The following CHL1 variants were observed in gnomAD, a reference collection of about 807,000 sequenced individuals.
The protein encoded by CHL1 is neural cell adhesion molecule L1-like protein.
A neutral mutation model predicts 141.9 loss-of-function variants in CHL1; 96 were observed. That is an observed-to-expected ratio of 0.68 (90% CI 0.57 to 0.80). CHL1 has a LOEUF of 0.80. CHL1 is among the 30% of genes least tolerant of loss of function. CHL1 has a pLI of 0.00. For synonymous variants in CHL1, 613 were observed against 502.2 expected, an observed-to-expected ratio of 1.22 and a Z score of -2.95; for missense variants, 1,820 against 1,457.2, an observed-to-expected ratio of 1.25 and a Z score of -4.05.
intron 2 of CHL1, among the ~76,000 whole-genome samples, chr3:266,337 A>C (rs1418383407): frequency 6.6e-6 from 1 of 152,158 alleles, no homozygotes; most frequent in Non-Finnish European, 1.5e-5. Flanking sequence ...CATTTCTTTA[A>C]CAAGGAAAGC....
intron 1 of CHL1, among the ~76,000 whole-genome samples, chr3:224,322 C>T (rs1559295095): frequency 6.6e-6 from 1 of 152,174 alleles, no homozygotes. Flanking sequence ...AAGATGGAGT[C>T]AGCTATGTCA....
chr3:226,374 TTA>T (rs56305108), intron 1 of CHL1, among the ~76,000 whole-genome samples: 5 of 144,304 alleles, frequency 3.5e-5, no homozygotes, highest in African/African-American at 1.3e-4. Context: ...ATAGAATATT[TTA>T]TATATATATA....
At chr3:298,796 G>T (rs567741609) in intron 2 of CHL1, among the ~76,000 whole-genome samples, 1 of 152,138 alleles carries the variant, frequency 6.6e-6, no homozygotes, top group Non-Finnish European at 1.5e-5. Context: ...TGGTGATATG[G>T]ATACAGAGAT....
At chr3:384,924 T>A (rs1290650162) in intron 19 of CHL1, among the ~76,000 whole-genome samples, 1 of 152,222 alleles carries the variant, frequency 6.6e-6, no homozygotes, top group Non-Finnish European at 1.5e-5. Context: ...AAATATTTAG[T>A]CAATATTTTT....
rs1305736477 is a variant in CHL1 at position 382,599 on chromosome 3, G to A, written c.2104G>A (p.Val702Ile). Residue 702 changes from valine to isoleucine, a missense_variant, in exon 18 of 28, where the codon GTC becomes ATC. Val to Ile is a conservative substitution (Grantham distance 29). Transcript: ENST00000256509. ...LAPFVRYQFR[V>I]IAVNEVGRSQ... ...TCCATTTGTGAGATACCAGTTCAGG[G>A]TCATAGCCGTGAACGAAGTAGGGAG... 1 of 1,613,792 alleles carries A rather than the reference G, an allele frequency of 6.2e-7. No homozygotes were observed. The highest frequency in any genetic ancestry group is 1.3e-5 in the African/African-American group (1 of 74,874).
chr3:198,197 C>G (rs1271925894), intron 1 of CHL1: 2 of 173,546 alleles, frequency 1.2e-5, no homozygotes, highest in African/African-American at 2.4e-5. Flanking sequence ...CGGCGGAGGG[C>G]AGGTGTGCGT....
At chr3:214,597 T>A (rs907387299) in intron 1 of CHL1, among the ~76,000 whole-genome samples, 2 of 152,210 alleles carry the variant, frequency 1.3e-5, no homozygotes, top group Non-Finnish European at 2.9e-5. Flanking sequence ...ACATTTATAA[T>A]TTTAAGAAAC....
intron 15 of CHL1, among the ~76,000 whole-genome samples, chr3:371,720 GT>G (rs1346582310): frequency 3.3e-5 from 5 of 152,038 alleles, no homozygotes; most frequent in African/African-American, 4.8e-5. Context: ...TTATATTTTG[GT>G]GTGTTTTTGC....
At chr3:205,107 T>TCTTTG (rs1553567136) in intron 1 of CHL1, among the ~76,000 whole-genome samples, 1 of 134,476 alleles carries the variant, frequency 7.4e-6, no homozygotes. Context: ...TTTCTTTCTT[T>TCTTTG]TTTTTTTTTT....
chr3:338,773 G>A (rs1018483102), intron 5 of CHL1, among the ~76,000 whole-genome samples: 2 of 152,068 alleles, frequency 1.3e-5, no homozygotes, highest in African/African-American at 4.8e-5. Context: ...CTTTTTTATT[G>A]TTGGTGCCTT....
At chr3:329,149 A>G (rs1290336287) in intron 5 of CHL1, among the ~76,000 whole-genome samples, 1 of 152,038 alleles carries the variant, frequency 6.6e-6, no homozygotes, top group Non-Finnish European at 1.5e-5. Context: ...TTTATATTTT[A>G]TCACGTTTTC....
Position 361,738 on chromosome 3 carries a change from A to C in CHL1, c.1346A>C (p.Tyr449Ser). 2 of 1,613,616 alleles carry C rather than the reference A, an allele frequency of 1.2e-6. No homozygotes were observed. Among genetic ancestry groups the C allele is most frequent in the Non-Finnish European group, 1.7e-6 (2 of 1,179,578 alleles). Residue 449 changes from tyrosine to serine, a missense_variant, in exon 13 of 28, where the codon TAC becomes TCC. Physicochemically the swap from Tyr to Ser is moderately radical, Grantham distance 144 (BLOSUM62 -2). Coordinates refer to ENST00000256509, the MANE Select transcript of CHL1 (RefSeq NM_006614.4). Reference protein sequence around the residue: ...PLIQTKDGENYATVVGYSAFL... With the variant: ...PLIQTKDGENSATVVGYSAFL... Reference sequence around the variant, plus strand: ...ATACAAACCAAAGATGGAGAAAATTACGCTACAGTGGTTGGGTACAGTGCT... The same window carrying C: ...ATACAAACCAAAGATGGAGAAAATTCCGCTACAGTGGTTGGGTACAGTGCT...
At position 276,733 on chromosome 3, in the gene CHL1, C is replaced by G. The variant is rs369751914; in HGVS notation, c.-95+32041C>G. On this transcript the variant is annotated intron_variant, in intron 2 of 27. Transcript: ENST00000256509. ...TGAAATCCCTTCTCTACTAAAAATA[C>G]AAAAAATTAGCTGGGCATGCTGGCC... Among the ~76,000 whole-genome samples the G allele has an allele frequency of 4.6e-5, 7 of 151,466 alleles. No homozygotes were observed. In the South Asian group the frequency reaches 1.0e-3, roughly 23 times the overall value.
intron 1 of CHL1, among the ~76,000 whole-genome samples, chr3:226,537 A>C (rs1375403732): frequency 6.6e-6 from 1 of 150,912 alleles, no homozygotes. Context: ...GCAACCTCCA[A>C]CTCCCGGATT....
intron 1 of CHL1, among the ~76,000 whole-genome samples, chr3:220,715 T>C (rs934612833): frequency 6.6e-5 from 10 of 152,102 alleles, no homozygotes; most frequent in African/African-American, 2.4e-4. Context: ...AATGAGAAAA[T>C]GTTATCATTT....
intron 3 of CHL1, 126 bp downstream of exon 3, chr3:319,993 G>A: frequency 1.7e-6 from 1 of 593,100 alleles, no homozygotes. Flanking sequence ...TTAGCAATCT[G>A]TCATGAGAAT....
At chr3:349,603 G>A in intron 10 of CHL1, 60 bp downstream of exon 10, 1 of 1,387,522 alleles carries the variant, frequency 7.2e-7, no homozygotes, top group Non-Finnish European at 1.0e-6. Context: ...TATACATGTA[G>A]TAGGCCTTGC....
chr3:254,556 C>T (rs2125156182), intron 2 of CHL1, among the ~76,000 whole-genome samples: 2 of 152,240 alleles, frequency 1.3e-5, no homozygotes. Flanking sequence ...TCAGACTATG[C>T]AGGGCCTTAT....
At chr3:286,592 CAG>C (rs1195672958) in intron 2 of CHL1, among the ~76,000 whole-genome samples, 1 of 124,410 alleles carries the variant, frequency 8.0e-6, no homozygotes, top group Non-Finnish European at 1.6e-5. Context: ...GCCTGGGTGA[CAG>C]AGTGAGACTT....
Sources: allele counts gnomAD v4.1 joint callset (sites outside exome capture counted in the v4.1 genomes callset), GRCh38; gene constraint gnomAD v4.1.1; transcripts MANE v1.5; gene names NCBI Gene and HGNC (gene_info 2026-07-23, HGNC 2026-07-21).